NEDD4L: variants seen among roughly 807,000 people sequenced by gnomAD.
NEDD4L encodes E3 ubiquitin-protein ligase NEDD4-like.
NEDD4L carries 54 observed loss-of-function variants against 148.9 expected under a neutral mutation model. That is an observed-to-expected ratio of 0.36 (90% CI 0.29 to 0.45). The LOEUF (loss-of-function observed/expected upper bound fraction) is 0.45. Ranked by LOEUF, NEDD4L falls within the 20% of genes least tolerant of loss-of-function variation. The pLI is 1.00. For missense variants in NEDD4L, 856 were observed against 1,233.8 expected (o/e 0.69, Z 4.59); for synonymous variants, 433 against 440.7 (o/e 0.98, Z 0.22).
intron 2 of NEDD4L, among the ~76,000 whole-genome samples, chr18:58,169,432 T>G (rs1422922863): frequency 6.6e-6 from 1 of 151,998 alleles, no homozygotes; most frequent in Non-Finnish European, 1.5e-5. Flanking sequence ...GAATGGGACG[T>G]CCGGACATAA....
In NEDD4L at chr18:58,264,268, A is replaced by G. The variant is rs76645296; in HGVS notation, c.297+12214A>G. ...CCAAGGCTAAGGACACAGCAATGCT[A>G]AGGACACAGTGTGCCTCCGGCCTGC... On this transcript the variant is annotated intron_variant, in intron 5 of 30. Coordinates refer to ENST00000400345, the MANE Select transcript of NEDD4L (RefSeq NM_001144967.3). Among the ~76,000 whole-genome samples, 513 of 152,196 alleles carry G rather than the reference A, an allele frequency of 3.4e-3. 14 individuals are homozygous for G. In the East Asian group the frequency reaches 0.084, roughly 25 times the overall value.
intron 2 of NEDD4L, among the ~76,000 whole-genome samples, chr18:58,173,554 T>C (rs1434646595): frequency 6.6e-6 from 1 of 152,254 alleles, no homozygotes; most frequent in Non-Finnish European, 1.5e-5. Context: ...GTCCTAACTC[T>C]GTGTGAGGAT....
intron 1 of NEDD4L, among the ~76,000 whole-genome samples, chr18:58,069,954 A>G (rs916942040): frequency 6.6e-6 from 1 of 152,190 alleles, no homozygotes; most frequent in East Asian, 1.9e-4. Context: ...CCTCACAGCC[A>G]TGGCAGCTGT....
At chr18:58,185,368 CT>C (rs1373798274) in intron 2 of NEDD4L, among the ~76,000 whole-genome samples, 1 of 152,156 alleles carries the variant, frequency 6.6e-6, no homozygotes, top group Non-Finnish European at 1.5e-5. Context: ...AAAAAAGAGG[CT>C]TAAAGCAGTT....
chr18:58,323,859 G>A (rs1224798166), intron 8 of NEDD4L, among the ~76,000 whole-genome samples: 1 of 152,004 alleles, frequency 6.6e-6, no homozygotes. Context: ...TATTTACCTT[G>A]TCACAGACTG....
intron 1 of NEDD4L, among the ~76,000 whole-genome samples, chr18:58,154,995 TAATC>T (rs1490370111): frequency 1.3e-5 from 2 of 152,212 alleles, no homozygotes; most frequent in Non-Finnish European, 2.9e-5. Flanking sequence ...AATTCAAAAA[TAATC>T]AAACTTCGTA....
intron 1 of NEDD4L, among the ~76,000 whole-genome samples, chr18:58,089,413 G>A (rs1352623609): frequency 1.3e-5 from 2 of 152,078 alleles, no homozygotes; most frequent in African/African-American, 2.4e-5. Context: ...GGGATTACAG[G>A]CGTGAACCAC....
intron 1 of NEDD4L, among the ~76,000 whole-genome samples, chr18:58,144,817 A>G (rs923844197): frequency 3.9e-5 from 6 of 152,186 alleles, no homozygotes; most frequent in Admixed American, 3.3e-4. Flanking sequence ...TGCTACTGCT[A>G]TGTCCACAGC....
At chr18:58,109,292 C>T (rs1599333413) in intron 1 of NEDD4L, among the ~76,000 whole-genome samples, 1 of 152,172 alleles carries the variant, frequency 6.6e-6, no homozygotes, top group Admixed American at 6.5e-5. Flanking sequence ...TGGATTTATG[C>T]CCACAGAAGA....
intron 15 of NEDD4L, among the ~76,000 whole-genome samples, chr18:58,342,073 T>C (rs1029209984): frequency 2.6e-5 from 4 of 152,266 alleles, no homozygotes. Flanking sequence ...ACTTCCACCG[T>C]TCTTGTTGTG....
chr18:58,058,279 C>G (rs1035084206), intron 1 of NEDD4L, among the ~76,000 whole-genome samples: 1 of 152,238 alleles, frequency 6.6e-6, no homozygotes, highest in East Asian at 1.9e-4. Flanking sequence ...GCACTCTAGC[C>G]TGGCGACAGA....
At chr18:58,264,202 G>A (rs994456005) in intron 5 of NEDD4L, among the ~76,000 whole-genome samples, 1 of 151,978 alleles carries the variant, frequency 6.6e-6, no homozygotes, top group Non-Finnish European at 1.5e-5. Flanking sequence ...ATCCAGAAAC[G>A]ATGTTATACA....
chr18:58,130,710 T>C (rs2031962652), intron 1 of NEDD4L, among the ~76,000 whole-genome samples: 1 of 139,322 alleles, frequency 7.2e-6, no homozygotes, highest in African/African-American at 2.8e-5. Context: ...TTGGCTGTGA[T>C]CTAGTGGAAC....
At position 58,081,325 on chromosome 18, in the gene NEDD4L, C is replaced by T. The variant is rs138816792; in HGVS notation, c.48+36617C>T. Among the ~76,000 whole-genome samples the T allele has an allele frequency of 6.2e-3, 927 of 150,402 alleles. 7 individuals are homozygous for T. The highest frequency in any genetic ancestry group is 0.021 in the African/African-American group (856 of 40,514). On this transcript the variant is annotated intron_variant, in intron 1 of 30. Transcript: ENST00000400345. Reference sequence around the variant, plus strand: ...CTGCCTCCTGGGTTCACGCCATGCTCCTGCCTCAGCCTCCCGTGTAGCTGG... The same window carrying T: ...CTGCCTCCTGGGTTCACGCCATGCTTCTGCCTCAGCCTCCCGTGTAGCTGG...
At chr18:58,299,224 C>T (rs762476318) in intron 5 of NEDD4L, among the ~76,000 whole-genome samples, 26 of 152,190 alleles carry the variant, frequency 1.7e-4, no homozygotes, top group Non-Finnish European at 1.5e-4. Flanking sequence ...GTGTGCATCC[C>T]GCATGATAAG....
intron 1 of NEDD4L, among the ~76,000 whole-genome samples, chr18:58,116,598 G>C (rs1017302412): frequency 6.6e-6 from 1 of 152,304 alleles, no homozygotes; most frequent in African/African-American, 2.4e-5. Flanking sequence ...GGGACTCAAG[G>C]GGGTCCAGTA....
chr18:58,330,986 C>G, intron 11 of NEDD4L, 72 bp downstream of exon 11: 2 of 1,489,120 alleles, frequency 1.3e-6, no homozygotes, highest in Non-Finnish European at 1.9e-6. Flanking sequence ...AGGAGAATCT[C>G]TTACGTAAAT....
Position 58,275,383 on chromosome 18 carries a change from G to T in NEDD4L, c.297+23329G>T, listed in dbSNP as rs191193786. Reference sequence around the variant, plus strand: ...CTTGTATAATAAGTGAGCTCATGCAGCTCAAACCCATCTTGTTCAAGGGTC... The same window carrying T: ...CTTGTATAATAAGTGAGCTCATGCATCTCAAACCCATCTTGTTCAAGGGTC... On this transcript the variant is annotated intron_variant, in intron 5 of 30. Transcript: ENST00000400345. Among the ~76,000 whole-genome samples the T allele has an allele frequency of 1.5e-3, 233 of 152,294 alleles. 1 individual carries two copies. The highest frequency in any genetic ancestry group is 5.4e-3 in the African/African-American group (226 of 41,558).
rs374170451 is a variant in NEDD4L at position 58,355,117 on chromosome 18, C to T, written c.1709-2077C>T. On this transcript the variant is annotated intron_variant, in intron 18 of 30. Transcript: ENST00000400345. ...CAGAGGGGAGGGATGGGGTCGAAAT[C>T]GTTATTTAGAGAGATCCTTTTGGCA... Among the ~76,000 whole-genome samples the T allele has an allele frequency of 1.1e-4, 17 of 152,184 alleles. No individual in the cohort carries two copies. In the East Asian group the frequency reaches 3.3e-3, roughly 29 times the overall value.
Sources: allele counts gnomAD v4.1 joint callset (sites outside exome capture counted in the v4.1 genomes callset), GRCh38; gene constraint gnomAD v4.1.1; transcripts MANE v1.5; gene names NCBI Gene and HGNC (gene_info 2026-07-23, HGNC 2026-07-21).